Variants in TBC1D5 observed in about 807,000 individuals in gnomAD.
The protein encoded by TBC1D5 is TBC1 domain family, member 5.
In TBC1D5, 75 loss-of-function variants were observed where a neutral mutation model predicts 100.3. That is an observed-to-expected ratio of 0.75 (90% confidence interval 0.62 to 0.91). The LOEUF (loss-of-function observed/expected upper bound fraction) is 0.91, where lower values mean the gene tolerates loss of function less well. Among genes scored for constraint, TBC1D5 ranks in the 40% least tolerant of loss-of-function variants. The probability of loss-of-function intolerance (pLI) is 0.00; values close to 1 mark genes in which losing one functional copy is unlikely to be tolerated. For synonymous variants in TBC1D5, 323 were observed against 325.6 expected, an observed-to-expected ratio of 0.99 and a Z score of 0.09; for missense variants, 910 against 942.4, an observed-to-expected ratio of 0.97 and a Z score of 0.45.
At chr3:17,731,526 A>C (rs937646264) in intron 1 of TBC1D5, among the ~76,000 whole-genome samples, 2 of 142,046 alleles carry the variant, frequency 1.4e-5, no homozygotes, top group African/African-American at 2.6e-5. Flanking sequence ...AAAAAAAAAG[A>C]GGGTGTCATG....
At chr3:17,463,752 T>A (rs2095254054) in intron 3 of TBC1D5, among the ~76,000 whole-genome samples, 1 of 152,052 alleles carries the variant, frequency 6.6e-6, no homozygotes, top group South Asian at 2.1e-4. Context: ...CATCCCAGTT[T>A]CGGCCCTGAA....
chr3:17,344,534 A>G (rs1181923996), intron 13 of TBC1D5, among the ~76,000 whole-genome samples: 1 of 151,918 alleles, frequency 6.6e-6, no homozygotes, highest in Admixed American at 6.6e-5. Context: ...TCAAGCTACC[A>G]ATGACTTTCT....
At chr3:17,626,053 G>A (rs532563682) in intron 1 of TBC1D5, among the ~76,000 whole-genome samples, 21 of 152,146 alleles carry the variant, frequency 1.4e-4, no homozygotes, top group Middle Eastern at 6.8e-3. Context: ...ATAGCATTAT[G>A]TGTATTTAGA....
intron 18 of TBC1D5, among the ~76,000 whole-genome samples, chr3:17,208,848 T>C (rs1479283917): frequency 6.6e-6 from 1 of 152,260 alleles, no homozygotes; most frequent in Admixed American, 6.5e-5. Context: ...ACTCTGGTTC[T>C]TCATAGACAC....
At chr3:17,599,110 A>C (rs2060763895) in intron 2 of TBC1D5, among the ~76,000 whole-genome samples, 1 of 152,212 alleles carries the variant, frequency 6.6e-6, no homozygotes, top group South Asian at 2.1e-4. Flanking sequence ...TAGGAAGGTT[A>C]TTTGTGCCAT....
intron 9 of TBC1D5, among the ~76,000 whole-genome samples, chr3:17,382,712 C>T (rs2092996104): frequency 6.6e-6 from 1 of 151,906 alleles, no homozygotes; most frequent in African/African-American, 2.4e-5. Flanking sequence ...ACGTGTGCAC[C>T]ACCATGCCCA....
intron 2 of TBC1D5, among the ~76,000 whole-genome samples, chr3:17,603,465 C>T (rs1328950800): frequency 6.6e-6 from 1 of 152,136 alleles, no homozygotes; most frequent in Non-Finnish European, 1.5e-5. Context: ...TGACAGTTTA[C>T]AAATGACATG....
In TBC1D5 at chr3:17,161,282, G is replaced by A. The variant is rs73819650; in HGVS notation, c.2095-26C>T. Reference sequence around the variant, plus strand: ...CTGTGAAGTACAGTCAGAAGTACAGGTGGATGAAAGAAGAAACTGGCAAAG... The same window carrying A: ...CTGTGAAGTACAGTCAGAAGTACAGATGGATGAAAGAAGAAACTGGCAAAG... On this transcript the variant is annotated intron_variant, in intron 21 of 21. Coordinates refer to ENST00000253692, the Ensembl canonical transcript of TBC1D5. 57,650 of 1,577,684 alleles carry A rather than the reference G, an allele frequency of 0.037. 1,555 individuals are homozygous for A. The highest frequency in any genetic ancestry group is 0.13 in the African/African-American group (9,718 of 73,842).
chr3:17,253,336 T>A (rs2077334306), intron 16 of TBC1D5, among the ~76,000 whole-genome samples: 1 of 152,224 alleles, frequency 6.6e-6, no homozygotes, highest in Non-Finnish European at 1.5e-5. Flanking sequence ...ACTTTATGAT[T>A]TTTTGTGTTC....
chr3:17,476,203 T>A (rs1345661133), intron 3 of TBC1D5, among the ~76,000 whole-genome samples: 1 of 151,852 alleles, frequency 6.6e-6, no homozygotes, highest in African/African-American at 2.4e-5. Context: ...ATAATTTAAT[T>A]CTATATATAT....
chr3:17,663,359 A>T (rs540370532), intron 1 of TBC1D5, among the ~76,000 whole-genome samples: 3 of 151,054 alleles, frequency 2.0e-5, no homozygotes, highest in Non-Finnish European at 4.4e-5. Context: ...CAGAAAAAAA[A>T]TACTGACGAC....
chr3:17,392,413 G>A (rs993513111), intron 8 of TBC1D5, among the ~76,000 whole-genome samples: 8 of 151,996 alleles, frequency 5.3e-5, no homozygotes, highest in Middle Eastern at 3.4e-3. Flanking sequence ...CGTGTAGAAT[G>A]TGCAGGTTTG....
intron 16 of TBC1D5, among the ~76,000 whole-genome samples, chr3:17,246,046 T>C (rs572926935): frequency 3.3e-4 from 50 of 152,220 alleles, no homozygotes; most frequent in African/African-American, 1.2e-3. Flanking sequence ...ACTATATGTC[T>C]TCATAATTGA....
At chr3:17,670,735 G>C (rs2067847317) in intron 1 of TBC1D5, among the ~76,000 whole-genome samples, 1 of 152,194 alleles carries the variant, frequency 6.6e-6, no homozygotes, top group Non-Finnish European at 1.5e-5. Context: ...AGTCTTTCCT[G>C]GCTAAAGTAG....
intron 1 of TBC1D5, among the ~76,000 whole-genome samples, chr3:17,704,336 C>G (rs1005415433): frequency 7.2e-5 from 11 of 151,784 alleles, no homozygotes; most frequent in South Asian, 2.1e-4. Flanking sequence ...TACACAGACA[C>G]GGCAACCATC....
At chr3:17,704,561 C>A (rs1237380582) in intron 1 of TBC1D5, among the ~76,000 whole-genome samples, 2 of 84,876 alleles carry the variant, frequency 2.4e-5, no homozygotes, top group Non-Finnish European at 4.8e-5. Flanking sequence ...CCGACCCCCC[C>A]CACCTCCCTC....
intron 2 of TBC1D5, among the ~76,000 whole-genome samples, chr3:17,601,569 G>A (rs569353252): frequency 6.6e-6 from 1 of 152,188 alleles, no homozygotes. Flanking sequence ...ACTTATAACT[G>A]CCCTTGTGAG....
chr3:17,630,215 C>T (rs2063379064), intron 1 of TBC1D5, among the ~76,000 whole-genome samples: 1 of 152,234 alleles, frequency 6.6e-6, no homozygotes, highest in South Asian at 2.1e-4. Flanking sequence ...GCTGCAAATA[C>T]TGACATACCT....
At chr3:17,489,676 G>C (rs1188102036) in intron 3 of TBC1D5, among the ~76,000 whole-genome samples, 1 of 152,136 alleles carries the variant, frequency 6.6e-6, no homozygotes, top group Non-Finnish European at 1.5e-5. Context: ...ATACTGCAAA[G>C]GACATGATGG....
Sources: allele counts gnomAD v4.1 joint callset (sites outside exome capture counted in the v4.1 genomes callset), GRCh38; gene constraint gnomAD v4.1.1; transcripts MANE v1.5; gene names NCBI Gene and HGNC (gene_info 2026-07-23, HGNC 2026-07-21).